Variants in EIF3H observed in about 807,000 individuals in gnomAD.
EIF3H encodes the protein eIF-3-gamma.
In EIF3H, 26 loss-of-function variants were observed where a neutral mutation model predicts 44.2. That is an observed-to-expected ratio of 0.59 (90% CI 0.43 to 0.82). EIF3H has a LOEUF of 0.82. Ranked by LOEUF, EIF3H falls within the 40% of genes least tolerant of loss-of-function variation. The pLI, the probability that EIF3H is intolerant of heterozygous loss-of-function variation, is 0.00. For synonymous variants in EIF3H, 166 were observed against 151.9 expected, an observed-to-expected ratio of 1.09 and a Z score of -0.68; for missense variants, 359 against 432.8, an observed-to-expected ratio of 0.83 and a Z score of 1.51.
At chr8:116,722,309 C>G (rs1814761516) in intron 2 of EIF3H, among the ~76,000 whole-genome samples, 1 of 152,190 alleles carries the variant, frequency 6.6e-6, no homozygotes, top group African/African-American at 2.4e-5. Flanking sequence ...ATTGTGAGGC[C>G]TTCCCAGCCA....
intron 1 of EIF3H, among the ~76,000 whole-genome samples, chr8:116,734,639 T>C (rs558779386): frequency 6.6e-6 from 1 of 152,320 alleles, no homozygotes; most frequent in Admixed American, 6.5e-5. Context: ...CACTGCAACC[T>C]CTGCCTCCCA....
At chr8:116,759,965 A>C (rs1455911607), upstream of EIF3H, among the ~76,000 whole-genome samples, 2 of 152,218 alleles carry the variant, frequency 1.3e-5, no homozygotes, top group African/African-American at 4.8e-5. Context: ...TCCTGGGCTC[A>C]AGTGATCCTC....
chr8:116,659,399 C>A (rs1375288287), intron 2 of EIF3H, among the ~76,000 whole-genome samples: 3 of 152,150 alleles, frequency 2.0e-5, no homozygotes, highest in Non-Finnish European at 4.4e-5. Context: ...TCTTCTTCAA[C>A]ACAGCTTTTA....
chr8:116,686,272 T>TA (rs1276263446), intron 2 of EIF3H, among the ~76,000 whole-genome samples: 1 of 152,150 alleles, frequency 6.6e-6, no homozygotes, highest in East Asian at 1.9e-4. Context: ...ACTTCAAATA[T>TA]AAAAGCATCT....
chr8:116,658,259 T>TG (rs1813525656), intron 3 of EIF3H: 1 of 152,364 alleles, frequency 6.6e-6, no homozygotes, highest in Admixed American at 6.5e-5. Context: ...CTGCCAGATA[T>TG]GGCAAACTGT....
chr8:116,752,775 G>A (rs1478657588), intron 1 of EIF3H, among the ~76,000 whole-genome samples: 1,320 of 59,958 alleles, frequency 0.022, 67 homozygotes, highest in Non-Finnish European at 0.039. Flanking sequence ...GAGGGAGGGA[G>A]GGAGGGAGGG....
At chr8:116,755,861 G>A, upstream of EIF3H, 2 of 1,597,450 alleles carry the variant, frequency 1.3e-6, no homozygotes, top group South Asian at 2.2e-5. Flanking sequence ...CAAGTCTCGC[G>A]TGACGTCACT....
At chr8:116,650,078 T>C (rs1287142378) in intron 5 of EIF3H, among the ~76,000 whole-genome samples, 1 of 152,238 alleles carries the variant, frequency 6.6e-6, no homozygotes, top group African/African-American at 2.4e-5. Context: ...CAATGTAGTT[T>C]GTTGTGAATG....
At chr8:116,739,281 C>T (rs1381200886) in intron 1 of EIF3H, among the ~76,000 whole-genome samples, 1 of 152,238 alleles carries the variant, frequency 6.6e-6, no homozygotes, top group Non-Finnish European at 1.5e-5. Flanking sequence ...AGGCCCATCC[C>T]TTTATTTCCC....
At chr8:116,693,687 C>CT (rs112713966) in intron 2 of EIF3H, among the ~76,000 whole-genome samples, 261 of 146,684 alleles carry the variant, frequency 1.8e-3, no homozygotes, top group Non-Finnish European at 2.2e-3. Context: ...ATGTACATTT[C>CT]TTTTTTTTTT....
intron 2 of EIF3H, among the ~76,000 whole-genome samples, chr8:116,678,236 C>T (rs560296365): frequency 2.6e-5 from 4 of 152,070 alleles, no homozygotes; most frequent in African/African-American, 7.2e-5. Flanking sequence ...TGCGAGTGAT[C>T]CGCCAGCCTC....
In EIF3H at chr8:116,697,017, A is replaced by G. The variant is rs564971347; in HGVS notation, c.289+28999T>C. 6 of 450,738 alleles carry G rather than the reference A, an allele frequency of 1.3e-5. No homozygotes were observed. In the East Asian group the frequency reaches 4.2e-4, roughly 31 times the overall value. The allele number at this position is 450,738 out of a possible 1,614,324, so 27.9% of individuals were successfully genotyped here. ...ATGTTAATACAATTAGGGCACAGAGATAACAGTAGTCTCACTGTGGACAGC... is the reference window on the plus strand; with the variant it reads ...ATGTTAATACAATTAGGGCACAGAGGTAACAGTAGTCTCACTGTGGACAGC... On this transcript the variant is annotated intron_variant, in intron 2 of 7. Transcript: ENST00000521861.
chr8:116,683,375 G>C (rs550585345), intron 2 of EIF3H, among the ~76,000 whole-genome samples: 1 of 152,084 alleles, frequency 6.6e-6, no homozygotes, highest in East Asian at 1.9e-4. Context: ...GCAGATGGCC[G>C]GCCATTTTCT....
intron 2 of EIF3H, among the ~76,000 whole-genome samples, chr8:116,668,316 T>C (rs1479265597): frequency 1.3e-5 from 2 of 152,238 alleles, no homozygotes; most frequent in Admixed American, 6.5e-5. Context: ...GGAGAAAGAC[T>C]GGAAAGAAAT....
In EIF3H at chr8:116,755,789, G is replaced by A. The variant is rs902690573; in HGVS notation, c.9C>T (p.Ser3=). 8.7e-6 allele frequency: 14 copies of A among 1,613,650 alleles called. No homozygotes were observed. The highest frequency in any genetic ancestry group is 1.3e-5 in the African/African-American group (1 of 75,060). The change falls in exon 1 of 8, where the codon TCC becomes TCT. Residue 3 remains serine (S), a synonymous_variant. Transcript: ENST00000521861. MA[S]RKEGTGSTAT... ...CAGTAGAGCCGGTACCTTCCTTGCG[G>A]GACGCCATCTTTCCAAGCAGACAGG...
chr8:116,657,632 A>G (rs1813513621), intron 3 of EIF3H: 5 of 273,556 alleles, frequency 1.8e-5, no homozygotes, highest in Non-Finnish European at 3.4e-5. Flanking sequence ...CATATGTTCT[A>G]GACATATTGT....
At chr8:116,710,512 A>G (rs189574401) in intron 2 of EIF3H, among the ~76,000 whole-genome samples, 5 of 152,306 alleles carry the variant, frequency 3.3e-5, no homozygotes, top group African/African-American at 1.2e-4. Context: ...TTTATTTAAT[A>G]TAATACCTAG....
intron 2 of EIF3H, among the ~76,000 whole-genome samples, chr8:116,724,551 A>G (rs1265104907): frequency 6.6e-6 from 1 of 152,186 alleles, no homozygotes; most frequent in African/African-American, 2.4e-5. Flanking sequence ...TGCAAACCCC[A>G]TATCTGATAA....
chr8:116,761,224 G>C (rs1158725898), intron 1 of EIF3H, among the ~76,000 whole-genome samples: 1 of 152,138 alleles, frequency 6.6e-6, no homozygotes, highest in African/African-American at 2.4e-5. Context: ...AAATCTGTTA[G>C]AGACGGGCTG....
Sources: allele counts gnomAD v4.1 joint callset (sites outside exome capture counted in the v4.1 genomes callset), GRCh38; gene constraint gnomAD v4.1.1; transcripts MANE v1.5; gene names NCBI Gene and HGNC (gene_info 2026-07-23, HGNC 2026-07-21).